The following F10 variants were observed in gnomAD, a reference collection of about 807,000 sequenced individuals.
F10 encodes the protein coagulation factor X.
Under a neutral mutation model 37.1 loss-of-function variants are expected in F10, and 29 were observed. The ratio of observed to expected loss-of-function variants is 0.78; its 90% CI spans 0.58 to 1.07. F10 has a LOEUF of 1.07. Ranked by LOEUF, F10 falls within the 50% of genes least tolerant of loss-of-function variation. The probability of loss-of-function intolerance (pLI) is 0.00; values close to 1 mark genes in which losing one functional copy is unlikely to be tolerated. For synonymous variants in F10, 262 were observed against 268.6 expected, an observed-to-expected ratio of 0.98 and a Z score of 0.24; for missense variants, 539 against 667.9, an observed-to-expected ratio of 0.81 and a Z score of 2.13.
At chr13:113,129,913 C>T in intron 2 of F10, 1 of 410,678 alleles carries the variant, frequency 2.4e-6, no homozygotes, top group Non-Finnish European at 4.6e-6. Flanking sequence ...AAAATGTTAA[C>T]CTAAAAACCA....
At chr13:113,132,902 C>G (rs934212640) in intron 2 of F10, among the ~76,000 whole-genome samples, 5 of 152,086 alleles carry the variant, frequency 3.3e-5, no homozygotes, top group African/African-American at 1.2e-4. Flanking sequence ...GTTTTCTGAC[C>G]ATAATGGAAT....
In F10 at chr13:113,146,105, A is replaced by G. The variant is rs546335785; in HGVS notation, c.748-1274A>G. ...GTGGCGGGTGAGCCTCTGTCTAACT[A>G]TAAAGAGCCAAGCGAGAGAGGGATG... On this transcript the variant is annotated intron_variant, in intron 6 of 7. Transcript: ENST00000375559. The surrounding 1 kb of genome is among the most constrained non-coding windows in gnomAD (Gnocchi z 4.5). Among the ~76,000 whole-genome samples, 2 of 152,276 alleles carry G rather than the reference A, an allele frequency of 1.3e-5. No homozygotes were observed. Among genetic ancestry groups the G allele is most frequent in the South Asian group, 2.1e-4 (1 of 4,826 alleles).
intron 6 of F10, 74 bp from the exon 7 acceptor site, chr13:113,147,305 G>T: frequency 9.9e-7 from 1 of 1,013,632 alleles, no homozygotes. Flanking sequence ...AGTGCCACCT[G>T]AAGAGCTGGC....
At chr13:113,135,554 A>G (rs1475060475) in intron 2 of F10, among the ~76,000 whole-genome samples, 1 of 152,214 alleles carries the variant, frequency 6.6e-6, no homozygotes, top group Non-Finnish European at 1.5e-5. Flanking sequence ...CATTAATCCT[A>G]TTCACAAGGG....
Position 113,141,062 on chromosome 13 carries a change from G to GT in F10, c.502+14dup. Reference sequence around the variant, plus strand: ...CTGCATTCCCACAGGTAGGAGGCACGTTGGGCCACAGCCACCCGCTGCCGC... The same window carrying GT: ...CTGCATTCCCACAGGTAGGAGGCACGTTTGGGCCACAGCCACCCGCTGCCGC... On this transcript the variant is annotated intron_variant, in intron 5 of 7. Transcript: ENST00000375559. This position sits in a 1 kb window ranked among gnomAD's most constrained non-coding sequence, Gnocchi z 5.4. 1.2e-6 allele frequency: 2 copies of GT among 1,613,010 alleles called. No homozygotes were observed. Among genetic ancestry groups the GT allele is most frequent in the Non-Finnish European group, 1.7e-6 (2 of 1,179,928 alleles).
chr13:113,123,226 C>T (rs2036336864), intron 1 of F10, among the ~76,000 whole-genome samples: 1 of 151,944 alleles, frequency 6.6e-6, no homozygotes, highest in Non-Finnish European at 1.5e-5. Flanking sequence ...AGATGGGAGG[C>T]CAAGAGGCAG....
intron 3 of F10, among the ~76,000 whole-genome samples, 163 bp downstream of exon 3, chr13:113,138,644 T>C (rs1196191783): frequency 6.6e-6 from 1 of 152,246 alleles, no homozygotes; most frequent in East Asian, 1.9e-4. Context: ...AAAGAGTTTT[T>C]AGAGTAATTT....
At chr13:113,147,590 A>G (rs924699369) in intron 7 of F10, 94 bp downstream of exon 7, 2 of 830,032 alleles carry the variant, frequency 2.4e-6, no homozygotes, top group African/African-American at 1.7e-5. Flanking sequence ...TGTTGGGAAC[A>G]CTGGTTGAAA....
rs3211784 is a variant in F10, at chr13:113,144,287, A to G, written c.747+192A>G. On this transcript the variant is annotated intron_variant, in intron 6 of 7. Transcript: ENST00000375559. This position sits in a 1 kb window ranked among gnomAD's most constrained non-coding sequence, Gnocchi z 6.4. Reference sequence around the variant, plus strand: ...GGCAGCCAAGGAGGCTGTGAGCTCCACAGGGAAGTGGCCGGGGCTGAGGGA... The same window carrying G: ...GGCAGCCAAGGAGGCTGTGAGCTCCGCAGGGAAGTGGCCGGGGCTGAGGGA... 46 of 816,736 alleles carry G rather than the reference A, an allele frequency of 5.6e-5. No homozygotes were observed. Among genetic ancestry groups the G allele is most frequent in the Middle Eastern group, 7.3e-4 (2 of 2,746 alleles). The allele number at this position is 816,736 out of a possible 1,614,324, so 50.6% of individuals were successfully genotyped here. A position where few individuals can be genotyped will look rare whatever the true frequency, so the allele number is the denominator to read the frequency against.
In F10 at chr13:113,144,952, C is replaced by T. The variant is rs979411760; in HGVS notation, c.747+857C>T. On this transcript the variant is annotated intron_variant, in intron 6 of 7. Transcript: ENST00000375559. This position sits in a 1 kb window ranked among gnomAD's most constrained non-coding sequence, Gnocchi z 6.4. ...GGAGTGCAGTGGCGCGATCTCGGCT[C>T]ACTGCAACCTCCACCTCCCAGGTTC... is the stretch of plus-strand genomic sequence containing the variant. 4.6e-5 allele frequency among the ~76,000 whole-genome samples: 7 copies of T among 152,020 alleles called. No homozygotes were observed. In the East Asian group the frequency reaches 1.2e-3, roughly 25 times the overall value.
chr13:113,147,315 C>A, intron 6 of F10, 64 bp from the exon 7 acceptor site: 3 of 1,133,788 alleles, frequency 2.6e-6, no homozygotes, highest in Non-Finnish European at 4.0e-6. Context: ...GAAGAGCTGG[C>A]TTCTCAGTCA....
At chr13:113,135,867 T>C (rs2036474297) in intron 2 of F10, among the ~76,000 whole-genome samples, 1 of 152,106 alleles carries the variant, frequency 6.6e-6, no homozygotes, top group African/African-American at 2.4e-5. Flanking sequence ...AAAAGAATGA[T>C]TAATAAAAGA....
intron 2 of F10, among the ~76,000 whole-genome samples, chr13:113,134,224 T>G (rs1158287148): frequency 2.6e-5 from 4 of 152,158 alleles, no homozygotes; most frequent in Non-Finnish European, 5.9e-5. Context: ...GTTATCACTA[T>G]TTGAAGATGA....
chr13:113,126,578 A>G (rs1367468020), intron 1 of F10, among the ~76,000 whole-genome samples: 1 of 152,170 alleles, frequency 6.6e-6, no homozygotes, highest in Non-Finnish European at 1.5e-5. Context: ...TCTGTGAACC[A>G]TCACTGTGGC....
chr13:113,132,820 A>G (rs2036446264), intron 2 of F10, among the ~76,000 whole-genome samples: 1 of 152,204 alleles, frequency 6.6e-6, no homozygotes, highest in East Asian at 1.9e-4. Context: ...CATATGGAAA[A>G]TTCCTCAAGG....
intron 2 of F10, among the ~76,000 whole-genome samples, chr13:113,137,087 C>T (rs2036486257): frequency 6.6e-6 from 1 of 152,206 alleles, no homozygotes; most frequent in Non-Finnish European, 1.5e-5. Context: ...GCCTGGCCAG[C>T]AACTCTATTC....
intron 2 of F10, chr13:113,131,946 C>T (rs1250723892): frequency 6.6e-6 from 1 of 152,260 alleles, no homozygotes; most frequent in Non-Finnish European, 1.5e-5. Context: ...TTCTCACAGA[C>T]TCCCACAACA....
Position 113,141,056 on chromosome 13 carries a change from A to G in F10, c.502+6A>G, listed in dbSNP as rs751345259. On this transcript the variant is annotated splice_donor_region_variant and intron_variant, in intron 5 of 7. Transcript: ENST00000375559. This position sits in a 1 kb window ranked among gnomAD's most constrained non-coding sequence, Gnocchi z 5.4. ...CAAGGCCTGCATTCCCACAGGTAGG[A>G]GGCACGTTGGGCCACAGCCACCCGC... 33 of 1,613,164 alleles carry G rather than the reference A, an allele frequency of 2.0e-5. No homozygotes were observed. Among genetic ancestry groups the G allele is most frequent in the South Asian group, 1.1e-4 (10 of 91,088 alleles).
Position 113,139,494 on chromosome 13 carries a change from C to A in F10, c.370+24C>A. On this transcript the variant is annotated intron_variant, in intron 4 of 7. Transcript: ENST00000375559. This position sits in a 1 kb window ranked among gnomAD's most constrained non-coding sequence, Gnocchi z 5.2. ...ATGTAGGTTCCTCTGCTTGGTATACCTTCAGATCAGATGCCCCTGAAGAGT... is the reference window on the plus strand; with the variant it reads ...ATGTAGGTTCCTCTGCTTGGTATACATTCAGATCAGATGCCCCTGAAGAGT... The A allele has an allele frequency of 6.3e-7, 1 of 1,579,442 alleles. No individual in the cohort carries two copies. The highest frequency in any genetic ancestry group is 8.7e-7 in the Non-Finnish European group (1 of 1,148,738).
Sources: gnomAD v4.1 joint callset for allele counts (sites outside exome capture counted in the v4.1 genomes callset) on GRCh38, gnomAD v4.1.1 for gene constraint, Gnocchi (gnomAD v3.1) non-coding constraint, MANE v1.5 for transcripts, NCBI Gene and HGNC (gene_info 2026-07-23, HGNC 2026-07-21) for gene names.